BBS1: variants seen among roughly 807,000 people sequenced by gnomAD.
The protein encoded by BBS1 is Bardet-Biedl syndrome 1.
BBS1 carries 60 observed loss-of-function variants against 73.9 expected under a neutral mutation model. The ratio of observed to expected loss-of-function variants is 0.81; its 90% CI spans 0.66 to 1.01. The LOEUF (loss-of-function observed/expected upper bound fraction) is 1.01. Among genes scored for constraint, BBS1 ranks in the 50% least tolerant of loss-of-function variants. The probability of loss-of-function intolerance (pLI) is 0.00; values close to 1 mark genes in which losing one functional copy is unlikely to be tolerated. For missense variants in BBS1, 718 were observed against 770.3 expected, an observed-to-expected ratio of 0.93 and a Z score of 0.80; for synonymous variants, 283 against 317.4, an observed-to-expected ratio of 0.89 and a Z score of 1.15.
chr11:66,524,117 TAAAAATAC>T (rs1856379068), intron 11 of BBS1: 2 of 563,008 alleles, frequency 3.6e-6, no homozygotes, highest in African/African-American at 3.8e-5. Flanking sequence ...CCCTTGCTAC[TAAAAATAC>T]AAAAATTAGC....
intron 4 of BBS1, among the ~76,000 whole-genome samples, chr11:66,514,986 T>G (rs978008103): frequency 6.6e-6 from 1 of 152,096 alleles, no homozygotes. Context: ...TGGCGAATTT[T>G]TTGTATGTGT....
intron 7 of BBS1, 94 bp downstream of exon 7, chr11:66,516,027 C>A: frequency 8.1e-7 from 1 of 1,227,672 alleles, no homozygotes; most frequent in South Asian, 1.2e-5. Flanking sequence ...TAAGCAAACC[C>A]AACCAGTATC....
In BBS1 at chr11:66,523,712, G is replaced by A. The variant is rs745700176; in HGVS notation, c.952-12G>A. The stretch of plus-strand genomic sequence containing the variant: ...CCTGAGCCCTCCACAGACGCTGGCT[G>A]TTCCCTGCCAGGGGAAGAAGCTGTG... On this transcript the variant is annotated splice_polypyrimidine_tract_variant and intron_variant, in intron 10 of 16. Coordinates refer to ENST00000318312, the MANE Select transcript of BBS1 (RefSeq NM_024649.5). The A allele has an allele frequency of 3.7e-6, 6 of 1,610,646 alleles. No homozygotes were observed. The African/African-American group carries it at 5.3e-5, about 14-fold the overall frequency.
rs761969357 is a variant in BBS1, at chr11:66,526,121, A to C, written c.1111-2A>C. On this transcript the variant is annotated splice_acceptor_variant, in intron 11 of 16. Coordinates refer to ENST00000318312, the MANE Select transcript of BBS1 (RefSeq NM_024649.5). LOFTEE classifies it high-confidence loss of function. Reference sequence around the variant, plus strand: ...CAACTAAACTCTGACGTCTCCACATAGGATGCAGTGACCAGCCTTTGCTTT... The same window carrying C: ...CAACTAAACTCTGACGTCTCCACATCGGATGCAGTGACCAGCCTTTGCTTT... 2 of 1,614,124 alleles carry C rather than the reference A, an allele frequency of 1.2e-6. No individual in the cohort carries two copies. The highest frequency in any genetic ancestry group is 2.2e-5 in the South Asian group (2 of 91,084).
Position 66,526,818 on chromosome 11 carries a change from G to T in BBS1, c.1339+11G>T, listed in dbSNP as rs371728271. 6.2e-7 allele frequency: 1 copy of T among 1,614,230 alleles called. No individual in the cohort carries two copies. The highest frequency in any genetic ancestry group is 1.1e-5 in the South Asian group (1 of 91,088). Reference sequence around the variant, plus strand: ...GGGAGGCTGGCACCGGTGAGCCTCAGACTGGGTCCTTTCCCTTCTTCCTCC... The same window carrying T: ...GGGAGGCTGGCACCGGTGAGCCTCATACTGGGTCCTTTCCCTTCTTCCTCC... On this transcript the variant is annotated intron_variant, in intron 13 of 16. Coordinates refer to ENST00000318312, the MANE Select transcript of BBS1 (RefSeq NM_024649.5).
rs2134830735 is a variant in BBS1, at chr11:66,529,844, C to T, written c.1365C>T (p.Asp455=). 1.2e-6 allele frequency: 2 copies of T among 1,611,266 alleles called. No individual in the cohort carries two copies. Among genetic ancestry groups the T allele is most frequent in the East Asian group, 2.2e-5 (1 of 44,866 alleles). The part of the protein sequence containing the change: ...GTAMHRAFQT[D]LYLLRLRAAR... ...CCATGCACCGGGCCTTCCAGACAGA[C>T]CTATACCTGCTGCGCCTACGTGCTG... The change falls in exon 14 of 17, where the codon GAC becomes GAT. Residue 455 remains aspartate, a synonymous_variant. Coordinates refer to ENST00000318312, the MANE Select transcript of BBS1 (RefSeq NM_024649.5).
chr11:66,532,022 G>A lies in BBS1; in HGVS notation c.1767G>A (p.Gly589=). The A allele has an allele frequency of 6.2e-7, 1 of 1,605,524 alleles. No homozygotes were observed. The highest frequency in any genetic ancestry group is 1.7e-5 in the Admixed American group (1 of 59,058). ...ACGTCAACATGCCTGGGAGCGAGGG[G>A]CTGGCGGCCGCCTGAGACCTGAGCT... ...SAHVNMPGSE[G]LAAA is the part of the protein sequence containing the mutation. Residue 589 remains glycine, a synonymous_variant, in exon 17 of 17, where the codon GGG becomes GGA. Transcript: ENST00000318312.
chr11:66,514,653 A>G lies in BBS1; in HGVS notation c.407A>G (p.Gln136Arg), dbSNP rs144833282. 61 of 1,612,820 alleles carry G rather than the reference A, an allele frequency of 3.8e-5. No homozygotes were observed. In the Admixed American group the frequency reaches 4.2e-4, roughly 11 times the overall value. The change falls in exon 4 of 17, where the codon CAA becomes CGA. Residue 136 changes from glutamine to arginine, a missense_variant. Gln to Arg is a conservative substitution (Grantham distance 43, BLOSUM62 1). Coordinates refer to ENST00000318312, the MANE Select transcript of BBS1 (RefSeq NM_024649.5). ...CAATTGCCTCCAAATCCTCTGGAAC[A>G]AGACCTTTGGAACCAGGCCAAAGAG... Reference protein sequence around the residue: ...LPQLPPNPLEQDLWNQAKEDR... With the variant: ...LPQLPPNPLERDLWNQAKEDR...
At position 66,533,288 on chromosome 11, in the gene BBS1, G is replaced by C. The variant is rs1211123247; in HGVS notation, c.*1251G>C. 4 of 152,138 alleles carry C rather than the reference G, an allele frequency of 2.6e-5. No individual in the cohort carries two copies. The South Asian group carries it at 8.3e-4, about 32-fold the overall frequency. 9.4% of individuals were successfully genotyped at this position (152,138 alleles called of 1,614,324 possible). ...AAACACATACCCACTTACTAATGTG[G>C]AATTACACAGTTTGTAACAAGAAAA... On this transcript the variant is annotated 3_prime_UTR_variant, in exon 17 of 17. Transcript: ENST00000318312.
chr11:66,523,953 G>C, intron 11 of BBS1, 71 bp downstream of exon 11: 1 of 1,591,698 alleles, frequency 6.3e-7, no homozygotes, highest in South Asian at 1.1e-5. Flanking sequence ...CTTCTTAGCT[G>C]CCTCTTCCGA....
intron 11 of BBS1, 43 bp from the exon 12 acceptor site, chr11:66,526,075 TTCCTC>T: frequency 6.3e-7 from 1 of 1,589,800 alleles, no homozygotes; most frequent in Non-Finnish European, 8.6e-7. Flanking sequence ...CTGTCTTGCT[TTCCTC>T]TCCAAGATAT....
rs1057306658 is a variant in BBS1 at position 66,533,254 on chromosome 11, C to A, written c.*1217C>A. On this transcript the variant is annotated 3_prime_UTR_variant, in exon 17 of 17. Transcript: ENST00000318312. ...AGAATTGGTGTCTTTCTAAAACATA[C>A]TTATTTAAAAACACATACCCACTTA... The A allele has an allele frequency of 2.6e-5, 4 of 152,198 alleles. No individual in the cohort carries two copies. The highest frequency in any genetic ancestry group is 2.9e-5 in the Non-Finnish European group (2 of 68,044). The allele number at this position is 152,198 out of a possible 1,614,324, so 9.4% of individuals were successfully genotyped here. A position where few individuals can be genotyped will look rare whatever the true frequency, so the allele number is the denominator to read the frequency against.
intron 14 of BBS1, 117 bp from the exon 15 acceptor site, chr11:66,530,777 C>A: frequency 7.0e-7 from 1 of 1,428,884 alleles, no homozygotes; most frequent in Non-Finnish European, 9.9e-7. Flanking sequence ...TGCTGGGAGG[C>A]AGATTGAGTA....
chr11:66,512,022 G>A (rs1051945610), intron 3 of BBS1, among the ~76,000 whole-genome samples: 46 of 141,386 alleles, frequency 3.3e-4, no homozygotes, highest in African/African-American at 1.2e-3. Context: ...ATATATATGT[G>A]TATATATATG....
chr11:66,517,186 A>G (rs1856068515), intron 7 of BBS1, among the ~76,000 whole-genome samples: 1 of 151,414 alleles, frequency 6.6e-6, no homozygotes, highest in East Asian at 1.9e-4. Context: ...GTGACAGAGC[A>G]AGACTCTATC....
At chr11:66,522,953 A>G (rs903487767) in intron 9 of BBS1, 2 of 360,172 alleles carry the variant, frequency 5.6e-6, no homozygotes, top group Non-Finnish European at 1.1e-5. Flanking sequence ...TTGTAGGCCA[A>G]CTCAAAGTGG....
chr11:66,516,122 CTTTTTTTT>C (rs35735110), intron 7 of BBS1, among the ~76,000 whole-genome samples, 189 bp downstream of exon 7: 1 of 99,356 alleles, frequency 1.0e-5, no homozygotes, highest in African/African-American at 3.8e-5. Context: ...GTAGTGACAG[CTTTTTTTT>C]TTTTTTTTTT....
chr11:66,513,262 C>A (rs1342201278), intron 3 of BBS1, among the ~76,000 whole-genome samples: 2 of 151,608 alleles, frequency 1.3e-5, no homozygotes, highest in African/African-American at 4.8e-5. Context: ...ATGGGGAAGG[C>A]ATTTCAGGTA....
chr11:66,532,627 CT>C lies in BBS1; in HGVS notation c.*592del. 6.4e-6 allele frequency: 1 copy of C among 155,106 alleles called. No homozygotes were observed. The highest frequency in any genetic ancestry group is 1.4e-5 in the Non-Finnish European group (1 of 69,770). The allele number at this position is 155,106 out of a possible 1,614,324, so 9.6% of individuals were successfully genotyped here. A position where few individuals can be genotyped will look rare whatever the true frequency, so the allele number is the denominator to read the frequency against. On this transcript the variant is annotated 3_prime_UTR_variant, in exon 17 of 17. Transcript: ENST00000318312. Reference sequence around the variant, plus strand: ...TCTCCCCAGGAAACTTCTCTGAAATCTTAGACTTAGCCAGTCTTAGGCCTAC... The same window carrying C: ...TCTCCCCAGGAAACTTCTCTGAAATCTAGACTTAGCCAGTCTTAGGCCTAC...
Sources: gnomAD v4.1 joint callset for allele counts (sites outside exome capture counted in the v4.1 genomes callset) on GRCh38, gnomAD v4.1.1 for gene constraint, MANE v1.5 for transcripts, NCBI Gene and HGNC (gene_info 2026-07-23, HGNC 2026-07-21) for gene names.